The following RETSAT variants were observed in gnomAD, a reference collection of about 807,000 sequenced individuals.
RETSAT encodes retinol saturase, also known as all-trans-retinol 13,14-reductase.
In RETSAT, 35 loss-of-function variants were observed where a neutral mutation model predicts 61.6. The observed-to-expected ratio is 0.57, with a 90% confidence interval of 0.43 to 0.75. The LOEUF is 0.75. Ranked by LOEUF, RETSAT falls within the 30% of genes least tolerant of loss-of-function variation. The probability of loss-of-function intolerance (pLI) is 0.00; values close to 1 mark genes in which losing one functional copy is unlikely to be tolerated. For synonymous variants in RETSAT, 277 were observed against 310.4 expected (o/e 0.89, Z 1.13); for missense variants, 670 against 759.5 (o/e 0.88, Z 1.38).
intron 3 of RETSAT, 21 bp downstream of exon 3, chr2:85,350,759 T>C: frequency 6.2e-7 from 1 of 1,613,918 alleles, no homozygotes; most frequent in Non-Finnish European, 8.5e-7. Context: ...AAACTCTGGG[T>C]CCTCAGCATG....
At chr2:85,353,851 C>T (rs888952035) in intron 1 of RETSAT, among the ~76,000 whole-genome samples, 3 of 152,182 alleles carry the variant, frequency 2.0e-5, no homozygotes, top group African/African-American at 7.2e-5. Flanking sequence ...GAACCTCTGC[C>T]AATGTTTCAG....
In RETSAT at chr2:85,346,002, G is replaced by GTTCA. The variant is rs1400268362; in HGVS notation, c.1089_1090insTGAA (p.Leu364Ter). 1 of 1,614,194 alleles carries GTTCA rather than the reference G, an allele frequency of 6.2e-7. No homozygotes were observed. Among genetic ancestry groups the GTTCA allele is most frequent in the Non-Finnish European group, 8.5e-7 (1 of 1,180,034 alleles). ...GGCAGGCAGCGGGCGTTCCCCGGCA[G>GTTCA]TAGGTGTTCATAGGTGTTGAACAGT... is the stretch of plus-strand genomic sequence containing the variant. On this transcript the variant is annotated stop_gained and frameshift_variant, in exon 6 of 11. Coordinates refer to ENST00000295802, the MANE Select transcript of RETSAT (RefSeq NM_017750.4). LOFTEE classifies it high-confidence loss of function.
intron 4 of RETSAT, 128 bp downstream of exon 4, chr2:85,349,912 T>C (rs1683269504): frequency 1.2e-6 from 1 of 863,022 alleles, no homozygotes; most frequent in African/African-American, 1.7e-5. Flanking sequence ...ATCCACAAGC[T>C]CCAGAGGGCC....
chr2:85,354,332 C>T lies in RETSAT; in HGVS notation c.172+4G>A, dbSNP rs1388225626. The T allele has an allele frequency of 6.2e-7, 1 of 1,614,166 alleles. No individual in the cohort carries two copies. The highest frequency in any genetic ancestry group is 1.3e-5 in the African/African-American group (1 of 75,070). On this transcript the variant is annotated splice_donor_region_variant and intron_variant, in intron 1 of 10. Transcript: ENST00000295802. ...GCCCCGGACCCCAGGGTCCCTCCTG[C>T]TACCTTGTTTGAGAACCTTCTTCCT... is the stretch of plus-strand genomic sequence containing the variant.
chr2:85,344,371 G>C, intron 7 of RETSAT, 23 bp from the exon 8 acceptor site: 1 of 1,609,814 alleles, frequency 6.2e-7, no homozygotes, highest in South Asian at 1.1e-5. Context: ...AGAGTGTGGT[G>C]GGATCTCCAG....
At chr2:85,343,886 G>C in intron 9 of RETSAT, 88 bp from the exon 10 acceptor site, 2 of 1,584,524 alleles carry the variant, frequency 1.3e-6, no homozygotes, top group Non-Finnish European at 1.7e-6. Context: ...GCAGGGATGG[G>C]TGCCCTGTCC....
intron 6 of RETSAT, 72 bp downstream of exon 6, chr2:85,345,903 C>T (rs768566316): frequency 1.6e-5 from 25 of 1,596,604 alleles, no homozygotes; most frequent in East Asian, 8.9e-5. Flanking sequence ...ATGACCCACA[C>T]GGAGCAGGTT....
intron 6 of RETSAT, among the ~76,000 whole-genome samples, chr2:85,345,244 T>C (rs1225728398): frequency 6.6e-6 from 1 of 152,164 alleles, no homozygotes; most frequent in Admixed American, 6.5e-5. Context: ...GAAATCACCC[T>C]ATGCCCTGGA....
chr2:85,348,276 T>C (rs1364945987), intron 5 of RETSAT, among the ~76,000 whole-genome samples: 1 of 152,160 alleles, frequency 6.6e-6, no homozygotes, highest in Non-Finnish European at 1.5e-5. Flanking sequence ...ACAGCATTTA[T>C]TGAGCCTCTA....
chr2:85,350,606 G>C lies in RETSAT; in HGVS notation c.597+174C>G, dbSNP rs139678928. Among the ~76,000 whole-genome samples the C allele has an allele frequency of 1.6e-3, 244 of 152,282 alleles. 2 individuals carry two copies. Among genetic ancestry groups the C allele is most frequent in the African/African-American group, 5.6e-3 (231 of 41,546 alleles). ...AGCCGTGGAGCCAAGGCTCCAGAGA[G>C]AGAGAGACAGAGAACTGGATGGACT... On this transcript the variant is annotated intron_variant, in intron 3 of 10. Coordinates refer to ENST00000295802, the MANE Select transcript of RETSAT (RefSeq NM_017750.4).
chr2:85,343,441 G>A (rs571426058), intron 10 of RETSAT, 60 bp from the exon 11 acceptor site: 18 of 1,581,456 alleles, frequency 1.1e-5, no homozygotes, highest in Non-Finnish European at 1.6e-5. Flanking sequence ...GGGAGGGTGG[G>A]GCCTTGGTGC....
At chr2:85,352,471 C>T (rs539897534) in intron 1 of RETSAT, among the ~76,000 whole-genome samples, 4 of 151,976 alleles carry the variant, frequency 2.6e-5, no homozygotes, top group African/African-American at 4.8e-5. Context: ...AGGATGGTCT[C>T]GATCTCCTGA....
intron 5 of RETSAT, among the ~76,000 whole-genome samples, chr2:85,346,394 G>T (rs1368463108): frequency 6.6e-6 from 1 of 152,176 alleles, no homozygotes; most frequent in Admixed American, 6.5e-5. Context: ...AAGGGCTAAA[G>T]ACCTTCCACT....
chr2:85,351,457 C>T (rs568589403), intron 2 of RETSAT: 10 of 507,482 alleles, frequency 2.0e-5, no homozygotes, highest in Admixed American at 1.1e-4. Context: ...ATGAGAATCA[C>T]GAACTCAGGA....
chr2:85,351,370 C>CA (rs1683296278), intron 2 of RETSAT: 4 of 417,844 alleles, frequency 9.6e-6, no homozygotes, highest in African/African-American at 2.0e-5. Flanking sequence ...TACTAAAATA[C>CA]AAAAAAATTA....
At chr2:85,348,426 T>C (rs377614722) in intron 5 of RETSAT, among the ~76,000 whole-genome samples, 55 of 152,190 alleles carry the variant, frequency 3.6e-4, no homozygotes, top group Middle Eastern at 3.4e-3. Flanking sequence ...ATCAGGAGAT[T>C]GAGACCATCC....
intron 2 of RETSAT, 27 bp from the exon 3 acceptor site, chr2:85,351,048 G>A (rs779232352): frequency 6.2e-7 from 1 of 1,613,402 alleles, no homozygotes; most frequent in Non-Finnish European, 8.5e-7. Context: ...AAACAAGGTA[G>A]TAAAGGGATA....
chr2:85,343,095 T>C lies in RETSAT; in HGVS notation c.*147A>G. 8.5e-7 allele frequency: 1 copy of C among 1,170,230 alleles called. No homozygotes were observed. The highest frequency in any genetic ancestry group is 1.6e-5 in the South Asian group (1 of 62,712). The allele number at this position is 1,170,230 out of a possible 1,614,324, so 72.5% of individuals were successfully genotyped here. A position where few individuals can be genotyped will look rare whatever the true frequency, so the allele number is the denominator to read the frequency against. On this transcript the variant is annotated 3_prime_UTR_variant, in exon 11 of 11. Coordinates refer to ENST00000295802, the MANE Select transcript of RETSAT (RefSeq NM_017750.4). ...TTCCATTGCCCCAGATTCGGAATTG[T>C]GATTTAAACTAGGCCTCTCTTCAGG...
Position 85,344,278 on chromosome 2 carries a change from G to T in RETSAT, c.1327C>A (p.Pro443Thr), listed in dbSNP as rs761887708. ...TCCCAGGTCGGATCTTTGGCTGATG[G>T]GAAAGCGAAGAAGAGAAGAGGGATG... is the stretch of plus-strand genomic sequence containing the variant. ...EHIPLLFFAF[P>T]SAKDPTWEDR... The change falls in exon 8 of 11, where the codon CCA becomes ACA. Residue 443 changes from proline to threonine, a missense_variant. Physicochemically the swap from Pro to Thr is conservative, Grantham distance 38. Coordinates refer to ENST00000295802, the MANE Select transcript of RETSAT (RefSeq NM_017750.4). 6 of 1,614,136 alleles carry T rather than the reference G, an allele frequency of 3.7e-6. No homozygotes were observed. The Admixed American group carries it at 1.0e-4, about 27-fold the overall frequency.
Sources: allele counts gnomAD v4.1 joint callset (sites outside exome capture counted in the v4.1 genomes callset), GRCh38; gene constraint gnomAD v4.1.1; transcripts MANE v1.5; gene names NCBI Gene and HGNC (gene_info 2026-07-23, HGNC 2026-07-21).